The following ORC5 variants were observed in gnomAD, a reference collection of about 807,000 sequenced individuals.
The protein encoded by ORC5 is origin recognition complex subunit 5, also known as protein phosphatase 1, regulatory subunit 117.
Under a neutral mutation model 58.8 loss-of-function variants are expected in ORC5, and 39 were observed. The observed-to-expected ratio is 0.66, with a 90% CI of 0.51 to 0.87. The LOEUF is 0.87. Ranked by LOEUF, ORC5 falls within the 40% of genes least tolerant of loss-of-function variation. The pLI is 0.00. For missense variants in ORC5, 493 were observed against 506.3 expected, an observed-to-expected ratio of 0.97 and a Z score of 0.25; for synonymous variants, 218 against 177.6, an observed-to-expected ratio of 1.23 and a Z score of -1.81.
rs1429871367 is a variant in ORC5, at chr7:104,128,259, G to C, written c.1263-1366C>G. Among the ~76,000 whole-genome samples the C allele has an allele frequency of 3.9e-5, 6 of 152,094 alleles. No homozygotes were observed. The East Asian group carries it at 5.8e-4, about 15-fold the overall frequency. On this transcript the variant is annotated intron_variant, in intron 13 of 13. Coordinates refer to ENST00000297431, the MANE Select transcript of ORC5 (RefSeq NM_002553.4). ...TGCCTCAGCCTCTCAAGTAGCTGAA[G>C]GTACAGGCATGTGCCAACACGCCTG... is the stretch of plus-strand genomic sequence containing the variant.
intron 11 of ORC5, among the ~76,000 whole-genome samples, chr7:104,161,426 C>A (rs1369025032): frequency 6.6e-6 from 1 of 152,108 alleles, no homozygotes; most frequent in Non-Finnish European, 1.5e-5. Flanking sequence ...GCAGTGGCAG[C>A]GCAATCATGG....
chr7:104,181,636 A>G (rs764926326), intron 8 of ORC5, among the ~76,000 whole-genome samples: 1 of 151,942 alleles, frequency 6.6e-6, no homozygotes, highest in Non-Finnish European at 1.5e-5. Flanking sequence ...ATACGAAAAA[A>G]AAAAATTTAG....
At chr7:104,187,775 T>C in intron 6 of ORC5, 1 of 982,038 alleles carries the variant, frequency 1.0e-6, no homozygotes. Context: ...TCAGGGTCAG[T>C]GGTTAATGAA....
chr7:104,142,995 GA>G lies in ORC5; in HGVS notation c.1150-6103del, dbSNP rs148247301. Among the ~76,000 whole-genome samples, 661 of 152,302 alleles carry G rather than the reference GA, an allele frequency of 4.3e-3. 12 individuals are homozygous for G. In the East Asian group the frequency reaches 0.046, roughly 11 times the overall value. On this transcript the variant is annotated intron_variant, in intron 12 of 13. Coordinates refer to ENST00000297431, the MANE Select transcript of ORC5 (RefSeq NM_002553.4). ...GGCCTGAAATTTTAATGAATGGGAAGATATGTAGTGAAGAGTGAACATAGTC... is the reference window on the plus strand; with the variant it reads ...GGCCTGAAATTTTAATGAATGGGAAGTATGTAGTGAAGAGTGAACATAGTC...
chr7:104,151,889 A>G (rs963262374), intron 12 of ORC5, among the ~76,000 whole-genome samples: 1 of 152,172 alleles, frequency 6.6e-6, no homozygotes, highest in Non-Finnish European at 1.5e-5. Flanking sequence ...TCAATTAACC[A>G]CCACCATTCA....
chr7:104,140,257 T>C lies in ORC5; in HGVS notation c.1150-3364A>G, dbSNP rs192453040. 2.9e-3 allele frequency among the ~76,000 whole-genome samples: 434 copies of C among 152,256 alleles called. 4 individuals carry two copies. The highest frequency in any genetic ancestry group is 0.01 in the African/African-American group (416 of 41,584). ...CCTTTCATTAGGACCATAGACTCCA[T>C]TTGTTTTTAATATATCTAATGATTT... On this transcript the variant is annotated intron_variant, in intron 12 of 13. Transcript: ENST00000297431.
At chr7:104,180,805 T>C (rs1278115221) in intron 8 of ORC5, among the ~76,000 whole-genome samples, 2 of 152,142 alleles carry the variant, frequency 1.3e-5, no homozygotes, top group Non-Finnish European at 1.5e-5. Flanking sequence ...ATCTAATATA[T>C]CATCAAGTCA....
chr7:104,202,474 T>C (rs908636796), intron 2 of ORC5: 1 of 454,028 alleles, frequency 2.2e-6, no homozygotes, highest in Non-Finnish European at 4.4e-6. Context: ...TTATGAATAG[T>C]GTCTTGCTTA....
At chr7:104,157,601 G>A (rs1445409312) in intron 12 of ORC5, among the ~76,000 whole-genome samples, 3 of 151,982 alleles carry the variant, frequency 2.0e-5, no homozygotes, top group Admixed American at 6.6e-5. Flanking sequence ...CGAAGACTGC[G>A]GACATTGTTC....
intron 10 of ORC5, among the ~76,000 whole-genome samples, chr7:104,165,998 C>A (rs1185402666): frequency 5.3e-5 from 8 of 151,942 alleles, no homozygotes; most frequent in Admixed American, 3.9e-4. Context: ...CACACCACTG[C>A]ACTCTGGCCT....
chr7:104,171,930 G>A (rs891786617), intron 8 of ORC5, among the ~76,000 whole-genome samples: 23 of 152,166 alleles, frequency 1.5e-4, no homozygotes, highest in African/African-American at 5.6e-4. Flanking sequence ...TCCAGCCTCA[G>A]AACTGTTCAA....
At chr7:104,135,953 A>AT (rs1192539901) in intron 13 of ORC5, among the ~76,000 whole-genome samples, 1 of 152,164 alleles carries the variant, frequency 6.6e-6, no homozygotes, top group Admixed American at 6.5e-5. Context: ...GTCCTGACAG[A>AT]TTGTTATCCA....
chr7:104,195,816 A>C (rs963171798), intron 4 of ORC5, among the ~76,000 whole-genome samples: 1 of 152,236 alleles, frequency 6.6e-6, no homozygotes, highest in Non-Finnish European at 1.5e-5. Context: ...AGCATTTTAT[A>C]AAATCAGTTT....
chr7:104,183,088 T>C (rs971678467), intron 8 of ORC5, among the ~76,000 whole-genome samples: 4 of 152,158 alleles, frequency 2.6e-5, no homozygotes, highest in African/African-American at 7.2e-5. Flanking sequence ...TATGCCAAGA[T>C]TGCGCCATTG....
chr7:104,154,192 C>T (rs1798888789), intron 12 of ORC5, among the ~76,000 whole-genome samples: 1 of 151,998 alleles, frequency 6.6e-6, no homozygotes, highest in South Asian at 2.1e-4. Context: ...AACTTAAGTT[C>T]CAAGTCTTGA....
At chr7:104,143,451 C>A (rs1470140875) in intron 12 of ORC5, among the ~76,000 whole-genome samples, 1 of 152,058 alleles carries the variant, frequency 6.6e-6, no homozygotes, top group Non-Finnish European at 1.5e-5. Flanking sequence ...TTGGAACAAA[C>A]AAGCCCTTGA....
At chr7:104,194,328 AGTT>A (rs1330319877) in intron 5 of ORC5, among the ~76,000 whole-genome samples, 5 of 152,148 alleles carry the variant, frequency 3.3e-5, no homozygotes, top group African/African-American at 7.2e-5. Context: ...ACAGCTGATT[AGTT>A]CAGAGGGATA....
intron 8 of ORC5, among the ~76,000 whole-genome samples, chr7:104,182,260 C>T (rs567703333): frequency 6.6e-6 from 1 of 152,210 alleles, no homozygotes; most frequent in African/African-American, 2.4e-5. Flanking sequence ...CAGAGACAGT[C>T]GAACTGCAAA....
chr7:104,207,403 T>C (rs1584532860), intron 1 of ORC5, among the ~76,000 whole-genome samples: 3 of 152,140 alleles, frequency 2.0e-5, no homozygotes, highest in African/African-American at 7.2e-5. Flanking sequence ...CTTTGGCCCT[T>C]AGTGGCCTTG....
Sources: gnomAD v4.1 joint callset for allele counts (sites outside exome capture counted in the v4.1 genomes callset) on GRCh38, gnomAD v4.1.1 for gene constraint, MANE v1.5 for transcripts, NCBI Gene and HGNC (gene_info 2026-07-23, HGNC 2026-07-21) for gene names.